Variants in RIN2 observed in about 807,000 individuals in gnomAD.
RIN2 encodes Ras and Rab interactor 2, also known as RAB5 interacting protein 2.
A neutral mutation model predicts 78.0 loss-of-function variants in RIN2; 36 were observed. The ratio of observed to expected loss-of-function variants is 0.46; its 90% confidence interval spans 0.35 to 0.61. The LOEUF (loss-of-function observed/expected upper bound fraction) is 0.61. Ranked by LOEUF, RIN2 falls within the 20% of genes least tolerant of loss-of-function variation. The pLI, the probability that RIN2 is intolerant of heterozygous loss-of-function variation, is 0.00. For missense variants in RIN2, 1,087 were observed against 1,159.7 expected, an observed-to-expected ratio of 0.94 and a Z score of 0.91; for synonymous variants, 466 against 466.8, an observed-to-expected ratio of 1.00 and a Z score of 0.02.
intron 5 of RIN2, among the ~76,000 whole-genome samples, chr20:19,958,670 A>C (rs1295834017): frequency 6.6e-6 from 1 of 152,200 alleles, no homozygotes; most frequent in Non-Finnish European, 1.5e-5. Flanking sequence ...GGAGTTCGAG[A>C]CCAGCCTGGC....
At chr20:19,993,422 C>T (rs939151200) in intron 11 of RIN2, among the ~76,000 whole-genome samples, 12 of 151,980 alleles carry the variant, frequency 7.9e-5, no homozygotes, top group Admixed American at 7.2e-4. Flanking sequence ...CCCTTAGTCT[C>T]CTCAGTCCTG....
intron 3 of RIN2, among the ~76,000 whole-genome samples, chr20:19,921,749 C>T (rs1313319943): frequency 3.9e-5 from 6 of 152,096 alleles, no homozygotes; most frequent in African/African-American, 4.8e-5. Context: ...CCAAGAGAAA[C>T]GCATGGTGAA....
chr20:19,918,750 G>C (rs1234863092), intron 3 of RIN2, among the ~76,000 whole-genome samples: 1 of 151,158 alleles, frequency 6.6e-6, no homozygotes, highest in East Asian at 1.9e-4. Flanking sequence ...TGACTTTACG[G>C]AGTCTGGGCC....
chr20:19,966,305 AG>A (rs1420890587), intron 7 of RIN2, among the ~76,000 whole-genome samples: 1 of 149,828 alleles, frequency 6.7e-6, no homozygotes, highest in Non-Finnish European at 1.5e-5. Context: ...ACTCTGCCAG[AG>A]GGCAGGAGGC....
At chr20:19,946,602 C>T (rs1218808662) in intron 4 of RIN2, among the ~76,000 whole-genome samples, 1 of 147,954 alleles carries the variant, frequency 6.8e-6, no homozygotes, top group Non-Finnish European at 1.5e-5. Context: ...CCTAGCTGCT[C>T]GGGAGGTTGA....
rs376468646 is a variant in RIN2, at chr20:19,833,002, T to C, written c.-37+33255T>C. Among the ~76,000 whole-genome samples the C allele has an allele frequency of 6.4e-4, 98 of 152,176 alleles. 2 individuals are homozygous for C. In the South Asian group the frequency reaches 0.02, roughly 31 times the overall value. On this transcript the variant is annotated intron_variant, in intron 2 of 12. Coordinates refer to ENST00000255006, the MANE Select transcript of RIN2 (RefSeq NM_018993.4). ...CCCTATGCTCCAGAGCCTAATGAAA[T>C]TATTCAAACCACCCACTCCTAAGCC...
At chr20:19,854,267 G>A (rs967459391) in intron 2 of RIN2, among the ~76,000 whole-genome samples, 1 of 152,236 alleles carries the variant, frequency 6.6e-6, no homozygotes, top group Non-Finnish European at 1.5e-5. Flanking sequence ...GTACCATGCT[G>A]TTTTGGTTAC....
chr20:19,947,098 A>G (rs1325598294), intron 4 of RIN2, among the ~76,000 whole-genome samples: 1 of 152,188 alleles, frequency 6.6e-6, no homozygotes, highest in Admixed American at 6.5e-5. Context: ...AACCATTAAA[A>G]TAAGTAATGG....
At chr20:19,763,204 G>A (rs927979154) in intron 1 of RIN2, among the ~76,000 whole-genome samples, 3 of 152,220 alleles carry the variant, frequency 2.0e-5, no homozygotes, top group Admixed American at 6.5e-5. Context: ...GACCAACATG[G>A]TGAAACCCTG....
chr20:19,970,807 A>G lies in RIN2; in HGVS notation c.537-31A>G, dbSNP rs3803980. ...CAAGATAGAAAGCAGACATGTAATT[A>G]CAAACATTCTCTCTTTTTCTGAACA... On this transcript the variant is annotated intron_variant, in intron 7 of 12. Transcript: ENST00000255006. 191 of 1,515,794 alleles carry G rather than the reference A, an allele frequency of 1.3e-4. 1 individual carries two copies. In the East Asian group the frequency reaches 4.3e-3, roughly 34 times the overall value. The allele number at this position is 1,515,794 out of a possible 1,614,324, so 93.9% of individuals were successfully genotyped here. A position where few individuals can be genotyped will look rare whatever the true frequency, so the allele number is the denominator to read the frequency against.
chr20:19,980,565 T>A (rs2042416476), intron 9 of RIN2, among the ~76,000 whole-genome samples: 1 of 152,172 alleles, frequency 6.6e-6, no homozygotes, highest in Non-Finnish European at 1.5e-5. Flanking sequence ...ACCATATTCC[T>A]AGAGTCTTTC....
intron 2 of RIN2, among the ~76,000 whole-genome samples, chr20:19,833,921 T>TC (rs2036326981): frequency 6.6e-6 from 1 of 152,078 alleles, no homozygotes; most frequent in African/African-American, 2.4e-5. Flanking sequence ...GAGGTCCCAT[T>TC]CCCCTGCCCC....
intron 2 of RIN2, among the ~76,000 whole-genome samples, chr20:19,822,299 G>C (rs2035949353): frequency 6.6e-6 from 1 of 152,140 alleles, no homozygotes; most frequent in African/African-American, 2.4e-5. Context: ...TCTTTCTTTT[G>C]ATTGGGCTTC....
chr20:19,812,466 T>A (rs2035634126), intron 2 of RIN2, among the ~76,000 whole-genome samples: 1 of 152,232 alleles, frequency 6.6e-6, no homozygotes, highest in Non-Finnish European at 1.5e-5. Flanking sequence ...AGACTAATGA[T>A]GTTAAGCATC....
chr20:19,858,957 A>C (rs1249947819), intron 2 of RIN2, among the ~76,000 whole-genome samples: 1 of 152,208 alleles, frequency 6.6e-6, no homozygotes, highest in Non-Finnish European at 1.5e-5. Flanking sequence ...TGGAGGACAG[A>C]ATACATTTCT....
rs533284464 is a variant in RIN2, at chr20:19,811,747, A to C, written c.-37+12000A>C. On this transcript the variant is annotated intron_variant, in intron 2 of 12. Coordinates refer to ENST00000255006, the MANE Select transcript of RIN2 (RefSeq NM_018993.4). ...AGCGAACCATTATAACCACTAAAAA[A>C]TGAGGGCCATCTCCTGTGCTAATAT... Among the ~76,000 whole-genome samples, 14 of 151,362 alleles carry C rather than the reference A, an allele frequency of 9.2e-5. No individual in the cohort carries two copies. In the South Asian group the frequency reaches 2.7e-3, roughly 30 times the overall value.
At chr20:19,982,836 G>T (rs1239812564) in intron 9 of RIN2, among the ~76,000 whole-genome samples, 2 of 152,204 alleles carry the variant, frequency 1.3e-5, no homozygotes, top group Non-Finnish European at 1.5e-5. Context: ...ACTGAAGGGA[G>T]CATGTGTATC....
intron 3 of RIN2, among the ~76,000 whole-genome samples, chr20:19,927,971 C>T (rs745933413): frequency 1.3e-5 from 2 of 152,004 alleles, no homozygotes; most frequent in Non-Finnish European, 2.9e-5. Context: ...GGTATGACCT[C>T]GGCTCACTGC....
At chr20:19,971,022 T>C in intron 8 of RIN2, 93 bp downstream of exon 8, 1 of 882,022 alleles carries the variant, frequency 1.1e-6, no homozygotes, top group Non-Finnish European at 1.8e-6. Flanking sequence ...GCTCCGTCAA[T>C]CTCTCCAGCT....
Sources: gnomAD v4.1 joint callset for allele counts (sites outside exome capture counted in the v4.1 genomes callset) on GRCh38, gnomAD v4.1.1 for gene constraint, MANE v1.5 for transcripts, NCBI Gene and HGNC (gene_info 2026-07-23, HGNC 2026-07-21) for gene names.